Variants in PCDHAC1 observed in about 807,000 individuals in gnomAD.
PCDHAC1 encodes protocadherin alpha-C1.
In PCDHAC1, 42 loss-of-function variants were observed where a neutral mutation model predicts 60.0. The ratio of observed to expected loss-of-function variants is 0.70; its 90% confidence interval spans 0.55 to 0.90. The LOEUF (loss-of-function observed/expected upper bound fraction) is 0.90, where lower values mean the gene tolerates loss of function less well. Ranked by LOEUF, PCDHAC1 falls within the 40% of genes least tolerant of loss-of-function variation. The pLI is 0.00. For missense variants in PCDHAC1, 1,160 were observed against 1,222.3 expected, an observed-to-expected ratio of 0.95 and a Z score of 0.76; for synonymous variants, 468 against 499.3, an observed-to-expected ratio of 0.94 and a Z score of 0.84.
At position 140,971,223 on chromosome 5, in the gene PCDHAC1, C is replaced by T. The variant is rs904012820; in HGVS notation, c.2434-7726C>T. The stretch of plus-strand genomic sequence containing the variant: ...GACACTGTTACCCTCCCTCTCCTGA[C>T]TCAAAGCTTGGGGCAATTTGATACA... On this transcript the variant is annotated intron_variant, in intron 1 of 3. Transcript: ENST00000253807. Among the ~76,000 whole-genome samples, 3 of 152,148 alleles carry T rather than the reference C, an allele frequency of 2.0e-5. No homozygotes were observed. The South Asian group carries it at 6.2e-4, about 31-fold the overall frequency.
intron 3 of PCDHAC1, among the ~76,000 whole-genome samples, chr5:140,984,938 G>A (rs1355399601): frequency 2.0e-5 from 3 of 151,924 alleles, no homozygotes; most frequent in Non-Finnish European, 2.9e-5. Flanking sequence ...GTTAATAAAT[G>A]TCTAATCTTT....
intron 3 of PCDHAC1, among the ~76,000 whole-genome samples, chr5:140,998,364 C>T (rs2097808386): frequency 6.6e-6 from 1 of 152,192 alleles, no homozygotes; most frequent in South Asian, 2.1e-4. Flanking sequence ...AACCACTGCA[C>T]ACACCGTCTC....
Position 140,982,513 on chromosome 5 carries a change from G to A in PCDHAC1, c.2531G>A (p.Gly844Asp). Residue 844 changes from glycine (G) to aspartate (D), a missense_variant, in exon 3 of 4, where the codon GGT (glycine) becomes GAT (aspartate). Transcript: ENST00000253807. ...HLEEAGILRA[G>D]PGGPDQQWPT... is the part of the protein sequence containing the mutation. ...GAGGAGGCTGGCATTCTACGGGCTGGTCCAGGAGGGCCTGATCAGCAGTGG... is the reference window on the plus strand; with the variant it reads ...GAGGAGGCTGGCATTCTACGGGCTGATCCAGGAGGGCCTGATCAGCAGTGG... The A allele has an allele frequency of 6.2e-7, 1 of 1,614,194 alleles. No individual in the cohort carries two copies. Among genetic ancestry groups the A allele is most frequent in the Non-Finnish European group, 8.5e-7 (1 of 1,180,032 alleles).
chr5:140,980,545 G>A lies in PCDHAC1; in HGVS notation c.2492+1538G>A, dbSNP rs190037193. ...CTAGGGAGGCTGAGGCAGGAGAATC[G>A]CTTGAACCCGGGAGGCGGAAGTTGC... On this transcript the variant is annotated intron_variant, in intron 2 of 3. Transcript: ENST00000253807. 4.1e-3 allele frequency among the ~76,000 whole-genome samples: 627 copies of A among 152,232 alleles called. 4 individuals are homozygous for A. Among genetic ancestry groups the A allele is most frequent in the Non-Finnish European group, 6.8e-3 (460 of 67,996 alleles).
chr5:140,986,945 C>T (rs1295830111), intron 3 of PCDHAC1, among the ~76,000 whole-genome samples: 1 of 151,946 alleles, frequency 6.6e-6, no homozygotes, highest in Non-Finnish European at 1.5e-5. Flanking sequence ...TGGGTGTGGT[C>T]GCTCATGCCT....
chr5:140,978,601 G>A (rs1382051729), intron 1 of PCDHAC1, among the ~76,000 whole-genome samples: 1 of 152,244 alleles, frequency 6.6e-6, no homozygotes, highest in African/African-American at 2.4e-5. Flanking sequence ...TGGGGCACTT[G>A]AGGGCAAAAG....
In PCDHAC1 at chr5:140,933,676, AT is replaced by A. The variant is rs1400784175; in HGVS notation, c.2433+4359del. 1.4e-4 allele frequency among the ~76,000 whole-genome samples: 21 copies of A among 151,552 alleles called. 1 individual carries two copies. Among genetic ancestry groups the A allele is most frequent in the Admixed American group, 1.3e-3 (19 of 15,194 alleles). On this transcript the variant is annotated intron_variant, in intron 1 of 3. Coordinates refer to ENST00000253807, the MANE Select transcript of PCDHAC1 (RefSeq NM_018898.5). Reference sequence around the variant, plus strand: ...CTGTCTCTCTCTCTGTCTCTCTCACATTTTTTTTCCTATTCCTCGGACACAT... The same window carrying A: ...CTGTCTCTCTCTCTGTCTCTCTCACATTTTTTTCCTATTCCTCGGACACAT...
intron 2 of PCDHAC1, among the ~76,000 whole-genome samples, chr5:140,979,327 C>T (rs1446940311): frequency 5.9e-5 from 9 of 152,078 alleles, no homozygotes; most frequent in African/African-American, 2.2e-4. Context: ...CTTTCTTTTC[C>T]TCCTTTAAAA....
chr5:140,938,295 A>G (rs1458865676), intron 1 of PCDHAC1, among the ~76,000 whole-genome samples: 1 of 152,190 alleles, frequency 6.6e-6, no homozygotes, highest in Non-Finnish European at 1.5e-5. Context: ...GTCATTGCCT[A>G]TGAAATTCAG....
At chr5:140,944,197 T>C (rs1404957342) in intron 1 of PCDHAC1, among the ~76,000 whole-genome samples, 2 of 152,120 alleles carry the variant, frequency 1.3e-5, no homozygotes, top group Non-Finnish European at 2.9e-5. Context: ...TTTTGTTTTG[T>C]TTTGTTTTTA....
rs782248969 is a variant in PCDHAC1 at position 140,927,466 on chromosome 5, G to A, written c.574G>A (p.Asp192Asn). 67 of 1,614,044 alleles carry A rather than the reference G, an allele frequency of 4.2e-5. No homozygotes were observed. Among genetic ancestry groups the A allele is most frequent in the Non-Finnish European group, 5.4e-5 (64 of 1,180,052 alleles). Reference sequence around the variant, plus strand: ...GGAGTTGGTGTTGGAGAAAGCACTGGATCGCGAACAGCGCGCCACCCACCT... The same window carrying A: ...GGAGTTGGTGTTGGAGAAAGCACTGAATCGCGAACAGCGCGCCACCCACCT... ...YPELVLEKALDREQRATHLLV... is the reference protein window; with the variant it reads ...YPELVLEKALNREQRATHLLV... The change falls in exon 1 of 4, where the codon GAT (aspartate) becomes AAT (asparagine). Residue 192 changes from aspartate to asparagine, a missense_variant. By Grantham distance (23) the Asp-to-Asn change is conservative. Around this residue, in one of 3 missense-constraint regions of PCDHAC1, gnomAD observed 1,113 missense variants for 1,163.7 expected, o/e 0.96. Coordinates refer to ENST00000253807, the MANE Select transcript of PCDHAC1 (RefSeq NM_018898.5).
In PCDHAC1 at chr5:140,927,926, T is replaced by C. The variant is rs782407263; in HGVS notation, c.1034T>C (p.Leu345Pro). Residue 345 changes from leucine (L) to proline (P), a missense_variant, in exon 1 of 4, where the codon CTT becomes CCT. Around this residue, in one of 3 missense-constraint regions of PCDHAC1, gnomAD observed 1,113 missense variants for 1,163.7 expected, o/e 0.96. Transcript: ENST00000253807. Reference protein sequence around the residue: ...DHAPELDFLTLSNPVPEDAAP... With the variant: ...DHAPELDFLTPSNPVPEDAAP... Reference sequence around the variant, plus strand: ...GCCCCCGAACTGGACTTCCTGACTCTTTCGAACCCAGTACCTGAGGACGCT... The same window carrying C: ...GCCCCCGAACTGGACTTCCTGACTCCTTCGAACCCAGTACCTGAGGACGCT... 2 of 1,614,212 alleles carry C rather than the reference T, an allele frequency of 1.2e-6. No individual in the cohort carries two copies. Among genetic ancestry groups the C allele is most frequent in the East Asian group, 2.2e-5 (1 of 44,870 alleles).
Position 140,927,574 on chromosome 5 carries a change from G to T in PCDHAC1, c.682G>T (p.Asp228Tyr). ...CACCATCATTGTGGTGGACACAAATGACAACGCGCCTGTATTTGAGCGCTC... is the reference window on the plus strand; with the variant it reads ...CACCATCATTGTGGTGGACACAAATTACAACGCGCCTGTATTTGAGCGCTC... Reference protein sequence around the residue: ...QVTIIVVDTNDNAPVFERSVY... With the variant: ...QVTIIVVDTNYNAPVFERSVY... The change falls in exon 1 of 4, where the codon GAC (aspartate) becomes TAC (tyrosine). Residue 228 changes from aspartate (D) to tyrosine (Y), a missense_variant. Transcript: ENST00000253807. 1 of 1,614,168 alleles carries T rather than the reference G, an allele frequency of 6.2e-7. No individual in the cohort carries two copies. Among genetic ancestry groups the T allele is most frequent in the Non-Finnish European group, 8.5e-7 (1 of 1,180,028 alleles).
chr5:140,955,030 A>T (rs1453200706), intron 1 of PCDHAC1, among the ~76,000 whole-genome samples: 2 of 152,312 alleles, frequency 1.3e-5, no homozygotes, highest in African/African-American at 4.8e-5. Context: ...TTAAATAGGG[A>T]ATCTTTTCCT....
chr5:140,997,785 A>G (rs537383326), intron 3 of PCDHAC1, among the ~76,000 whole-genome samples: 2 of 152,218 alleles, frequency 1.3e-5, no homozygotes, highest in Admixed American at 1.3e-4. Flanking sequence ...GTATACCTAT[A>G]TTATAATTTA....
In PCDHAC1 at chr5:141,010,428, A is replaced by G. The variant is rs2098417264; in HGVS notation, c.*491A>G. The G allele has an allele frequency of 9.2e-7, 1 of 1,087,372 alleles. No individual in the cohort carries two copies. Among genetic ancestry groups the G allele is most frequent in the East Asian group, 2.6e-5 (1 of 38,240 alleles). 67.4% of individuals were successfully genotyped at this position (1,087,372 alleles called of 1,614,324 possible). ...GACTAATTGGTACAAGGAAGGCAAG[A>G]AAACAAAGACAAATAAACAGCGGAA... On this transcript the variant is annotated 3_prime_UTR_variant, in exon 4 of 4. Transcript: ENST00000253807.
chr5:140,946,648 C>A (rs1195536248), intron 1 of PCDHAC1, among the ~76,000 whole-genome samples: 2 of 99,274 alleles, frequency 2.0e-5, no homozygotes, highest in African/African-American at 1.2e-4. Flanking sequence ...GAATACTCAT[C>A]AGCCATTAGA....
At chr5:140,931,977 T>G (rs1207911799) in intron 1 of PCDHAC1, among the ~76,000 whole-genome samples, 2 of 151,978 alleles carry the variant, frequency 1.3e-5, no homozygotes, top group Non-Finnish European at 2.9e-5. Flanking sequence ...TATGTGTTTA[T>G]ATTTTGCTCA....
At chr5:140,969,004 T>C (rs1554231338) in intron 1 of PCDHAC1, 2 of 1,614,060 alleles carry the variant, frequency 1.2e-6, no homozygotes, top group East Asian at 2.2e-5. Flanking sequence ...GAGGCTTCTG[T>C]GGAGTAAGGG....
Sources: gnomAD v4.1 joint callset for allele counts (sites outside exome capture counted in the v4.1 genomes callset) on GRCh38, gnomAD v4.1.1 for gene constraint, gnomAD v4.1.1 regional missense constraint, MANE v1.5 for transcripts, NCBI Gene and HGNC (gene_info 2026-07-23, HGNC 2026-07-21) for gene names.